KRT3: variants seen among roughly 807,000 people sequenced by gnomAD.
The protein encoded by KRT3 is keratin, type II cytoskeletal 3.
KRT3 carries 34 observed loss-of-function variants against 45.8 expected under a neutral mutation model. That is an observed-to-expected ratio of 0.74 (90% confidence interval 0.57 to 0.99). The LOEUF is 0.99. Ranked by LOEUF, KRT3 falls within the 50% of genes least tolerant of loss-of-function variation. The probability of loss-of-function intolerance (pLI) is 0.00; values close to 1 mark genes in which losing one functional copy is unlikely to be tolerated. For synonymous variants in KRT3, 367 were observed against 329.0 expected, an observed-to-expected ratio of 1.12 and a Z score of -1.25; for missense variants, 828 against 820.6, an observed-to-expected ratio of 1.01 and a Z score of -0.11.
rs1441428325 is a variant in KRT3 at position 52,793,158 on chromosome 12, C to G, written c.927+5G>C. 3.1e-6 allele frequency: 5 copies of G among 1,610,226 alleles called. No homozygotes were observed. Among genetic ancestry groups the G allele is most frequent in the Non-Finnish European group, 4.2e-6 (5 of 1,177,684 alleles). ...AGCCTCAGAAACCTCACACACAGCC[C>G]TTACCTTCTTCAGAGTCACAAATTC... On this transcript the variant is annotated splice_donor_5th_base_variant and intron_variant, in intron 3 of 8. Coordinates refer to ENST00000417996, the MANE Select transcript of KRT3 (RefSeq NM_057088.3).
At chr12:52,793,984 T>C in intron 2 of KRT3, 127 bp downstream of exon 2, 1 of 691,296 alleles carries the variant, frequency 1.4e-6, no homozygotes, top group South Asian at 1.8e-5. Flanking sequence ...CTGTCCTTCA[T>C]GAAGGTAAGG....
intron 5 of KRT3, 83 bp downstream of exon 5, chr12:52,792,156 G>A: frequency 8.4e-7 from 1 of 1,185,418 alleles, no homozygotes; most frequent in Admixed American, 2.1e-5. Flanking sequence ...AGTGACCACT[G>A]GGAACTCACT....
chr12:52,792,702 C>T lies in KRT3; in HGVS notation c.1023+9G>A. The stretch of plus-strand genomic sequence containing the variant: ...CCCTCTGTCCCTTCTTAGTAGGTAA[C>T]ATCCTTACAGCGTCGTAGAGGGTCC... On this transcript the variant is annotated intron_variant, in intron 4 of 8. Transcript: ENST00000417996. 6.3e-7 allele frequency: 1 copy of T among 1,589,188 alleles called. No homozygotes were observed. The highest frequency in any genetic ancestry group is 8.6e-7 in the Non-Finnish European group (1 of 1,157,386).
At position 52,790,275 on chromosome 12, in the gene KRT3, C is replaced by T; in HGVS notation, c.1654G>A (p.Gly552Ser). 3 of 1,553,826 alleles carry T rather than the reference C, an allele frequency of 1.9e-6. No homozygotes were observed. Among genetic ancestry groups the T allele is most frequent in the South Asian group, 1.2e-5 (1 of 84,114 alleles). The change falls in exon 9 of 9, where the codon GGT becomes AGT. Residue 552 changes from glycine to serine, a missense_variant. Physicochemically the swap from Gly to Ser is moderately conservative, Grantham distance 56. Transcript: ENST00000417996. ...GAGCCGCCGCCCGCACTGAAGCCACCTCCTAAACCACCGCCCATGCCTCCG... is the reference window on the plus strand; with the variant it reads ...GAGCCGCCGCCCGCACTGAAGCCACTTCCTAAACCACCGCCCATGCCTCCG... ...YGGGMGGGLGGGFSAGGGSGS... is the reference protein window; with the variant it reads ...YGGGMGGGLGSGFSAGGGSGS...
chr12:52,791,228 G>A lies in KRT3; in HGVS notation c.1513C>T (p.Leu505=), dbSNP rs200542944. 9.9e-6 allele frequency: 16 copies of A among 1,614,242 alleles called. No homozygotes were observed. The Admixed American group carries it at 1.5e-4, about 15-fold the overall frequency. ...CACCTGTACTCCTCGCCCTCCAGCA[G>A]CTTGCGGTAGGTGGCGATCTCCACG... ...LDVEIATYRK[L]LEGEEYRMSG... is the part of the protein sequence containing the mutation. Residue 505 remains leucine, a synonymous_variant, in exon 7 of 9, where the codon CTG becomes TTG. Transcript: ENST00000417996.
chr12:52,791,393 C>G lies in KRT3; in HGVS notation c.1348G>C (p.Glu450Gln). ...TTGAGGGCCATCTCTCCATGCTGCT[C>G]GGCCTCGGCAATGGCCGTCTGCAGG... Reference protein sequence around the residue: ...ANLQTAIAEAEQHGEMALKDA... With the variant: ...ANLQTAIAEAQQHGEMALKDA... The change falls in exon 7 of 9, where the codon GAG becomes CAG. Residue 450 changes from glutamate to glutamine, a missense_variant. By Grantham distance (29) the Glu-to-Gln change is conservative. Transcript: ENST00000417996. 1.2e-6 allele frequency: 2 copies of G among 1,614,174 alleles called. No individual in the cohort carries two copies. Among genetic ancestry groups the G allele is most frequent in the South Asian group, 1.1e-5 (1 of 91,080 alleles).
chr12:52,791,094 C>T (rs1939482266), intron 7 of KRT3, 112 bp downstream of exon 7: 1 of 1,528,044 alleles, frequency 6.5e-7, no homozygotes, highest in Non-Finnish European at 8.9e-7. Flanking sequence ...TGCTTCACCA[C>T]AAGGCCTCTC....
At chr12:52,791,104 C>T (rs1472588003) in intron 7 of KRT3, 102 bp downstream of exon 7, 9 of 1,569,556 alleles carry the variant, frequency 5.7e-6, no homozygotes, top group Non-Finnish European at 6.9e-6. Flanking sequence ...CAAGGCCTCT[C>T]TTTATACAGC....
intron 8 of KRT3, 112 bp downstream of exon 8, chr12:52,790,725 AG>A: frequency 1.0e-6 from 1 of 1,002,240 alleles, no homozygotes. Flanking sequence ...CTCCTCTCCC[AG>A]AAAACCCCTC....
Position 52,795,289 on chromosome 12 carries a change from T to C in KRT3, c.645+109A>G, listed in dbSNP as rs887787805. The C allele has an allele frequency of 9.2e-5, 123 of 1,338,462 alleles. 1 individual carries two copies. Among genetic ancestry groups the C allele is most frequent in the Admixed American group, 6.7e-4 (37 of 55,636 alleles). 82.9% of individuals were successfully genotyped at this position (1,338,462 alleles called of 1,614,324 possible). ...CCCAGACCCTAGAGTTCCACCTAAC[T>C]CCTCACCCTCCAGTCTGGCCTATCC... On this transcript the variant is annotated intron_variant, in intron 1 of 8. Transcript: ENST00000417996.
chr12:52,794,268 C>T lies in KRT3; in HGVS notation c.709G>A (p.Gly237Ser), dbSNP rs1939590538. The part of the protein sequence containing the change: ...ETKWNLLQQQ[G>S]TSSISGTNNL... The stretch of plus-strand genomic sequence containing the variant: ...TTTGTGCCTGAGATGGAACTTGTGC[C>T]CTGCTGCTGGAGCAGGTTCCACTTG... Residue 237 changes from glycine to serine, a missense_variant, in exon 2 of 9, where the codon GGC becomes AGC. Coordinates refer to ENST00000417996, the MANE Select transcript of KRT3 (RefSeq NM_057088.3). 1.2e-6 allele frequency: 2 copies of T among 1,614,158 alleles called. No individual in the cohort carries two copies. Among genetic ancestry groups the T allele is most frequent in the South Asian group, 1.1e-5 (1 of 91,074 alleles).
chr12:52,795,802 C>A lies in KRT3; in HGVS notation c.241G>T (p.Gly81Trp). Residue 81 changes from glycine to tryptophan, a missense_variant, in exon 1 of 9, where the codon GGG becomes TGG. By Grantham distance (184) the Gly-to-Trp change is radical (BLOSUM62 -2). Coordinates refer to ENST00000417996, the MANE Select transcript of KRT3 (RefSeq NM_057088.3). ...AAGGCACAGCTGCTCCGCCCTCCCCCAAAGCCTCCAGCCCGGGAGCCGCCA... is the reference window on the plus strand; with the variant it reads ...AAGGCACAGCTGCTCCGCCCTCCCCAAAAGCCTCCAGCCCGGGAGCCGCCA... ...AAGGSRAGGF[G>W]GGRSSCAFAG... 1.2e-6 allele frequency: 2 copies of A among 1,614,044 alleles called. No individual in the cohort carries two copies. The highest frequency in any genetic ancestry group is 1.7e-6 in the Non-Finnish European group (2 of 1,179,904).
chr12:52,790,024 G>A lies in KRT3; in HGVS notation c.*18C>T. 1 of 1,537,218 alleles carries A rather than the reference G, an allele frequency of 6.5e-7. No individual in the cohort carries two copies. Among genetic ancestry groups the A allele is most frequent in the Non-Finnish European group, 8.7e-7 (1 of 1,146,170 alleles). On this transcript the variant is annotated 3_prime_UTR_variant, in exon 9 of 9. Transcript: ENST00000417996. ...GGAGGGGAGGCGCTGGAGTGGCTGC[G>A]ATGCTGATGCGTGCTCTTTATCTGG...
rs765720975 is a variant in KRT3 at position 52,794,211 on chromosome 12, T to C, written c.766A>G (p.Asn256Asp). Residue 256 changes from asparagine to aspartate, a missense_variant, in exon 2 of 9, where the codon AAC becomes GAC. Physicochemically the swap from Asn to Asp is conservative, Grantham distance 23 (BLOSUM62 1). Coordinates refer to ENST00000417996, the MANE Select transcript of KRT3 (RefSeq NM_057088.3). ...NLEPLFENHINYLRSYLDNIL... is the reference protein window; with the variant it reads ...NLEPLFENHIDYLRSYLDNIL... Reference sequence around the variant, plus strand: ...TTGTCCAGGTAGCTCCGCAGGTAGTTGATGTGATTCTCAAAAAGAGGCTCA... The same window carrying C: ...TTGTCCAGGTAGCTCCGCAGGTAGTCGATGTGATTCTCAAAAAGAGGCTCA... The C allele has an allele frequency of 6.2e-7, 1 of 1,614,080 alleles. No individual in the cohort carries two copies. Among genetic ancestry groups the C allele is most frequent in the East Asian group, 2.2e-5 (1 of 44,882 alleles).
At chr12:52,795,275 G>C in intron 1 of KRT3, 123 bp downstream of exon 1, 1 of 1,185,882 alleles carries the variant, frequency 8.4e-7, no homozygotes, top group South Asian at 1.4e-5. Flanking sequence ...CCAGACCCTA[G>C]AGTTCCACCT....
chr12:52,792,378 AT>A lies in KRT3; in HGVS notation c.1048del (p.Ile350SerfsTer62). ...DAELSQMQSH[I>X]SDTSVVLSMD... ...GGACAGCACCACAGATGTGTCACTGATGTGGCTCTGCATCTGAGATAGCTCC... is the reference window on the plus strand; with the variant it reads ...GGACAGCACCACAGATGTGTCACTGAGTGGCTCTGCATCTGAGATAGCTCC... On this transcript the variant is annotated frameshift_variant, in exon 5 of 9. Coordinates refer to ENST00000417996, the MANE Select transcript of KRT3 (RefSeq NM_057088.3). LOFTEE classifies it high-confidence loss of function. 1 of 1,614,108 alleles carries A rather than the reference AT, an allele frequency of 6.2e-7. No individual in the cohort carries two copies. Among genetic ancestry groups the A allele is most frequent in the South Asian group, 1.1e-5 (1 of 91,084 alleles).
At chr12:52,790,462 G>C (rs971014686) in intron 8 of KRT3, 104 bp from the exon 9 acceptor site, 5 of 1,159,194 alleles carry the variant, frequency 4.3e-6, no homozygotes. Context: ...AGCTGATCAA[G>C]GCAGCTTTGC....
At chr12:52,791,605 A>G in intron 6 of KRT3, 86 bp downstream of exon 6, 1 of 1,568,490 alleles carries the variant, frequency 6.4e-7, no homozygotes, top group Non-Finnish European at 8.7e-7. Context: ...TGACCTCCAG[A>G]CGTCTATTCC....
intron 5 of KRT3, 116 bp downstream of exon 5, chr12:52,792,123 G>A: frequency 9.9e-6 from 9 of 910,548 alleles, no homozygotes; most frequent in South Asian, 8.4e-5. Context: ...ACTTCAGAGG[G>A]TAAAACCAAA....
Sources: allele counts gnomAD v4.1 joint callset, GRCh38; gene constraint gnomAD v4.1.1; transcripts MANE v1.5; gene names NCBI Gene and HGNC (gene_info 2026-07-23, HGNC 2026-07-21).